Variants in PKNOX2 observed in about 807,000 individuals in gnomAD.
The protein encoded by PKNOX2 is PBX/knotted 1 homeobox 2.
A neutral mutation model predicts 53.1 loss-of-function variants in PKNOX2; 14 were observed. The observed-to-expected ratio is 0.26, with a 90% confidence interval of 0.17 to 0.41. The LOEUF (loss-of-function observed/expected upper bound fraction) is 0.41. PKNOX2 is among the 10% of genes least tolerant of loss of function. PKNOX2 has a pLI of 1.00. For synonymous variants in PKNOX2, 257 were observed against 242.8 expected, an observed-to-expected ratio of 1.06 and a Z score of -0.54; for missense variants, 496 against 602.8, an observed-to-expected ratio of 0.82 and a Z score of 1.85.
At chr11:125,343,595 G>A (rs536315579) in intron 3 of PKNOX2, among the ~76,000 whole-genome samples, 3 of 152,170 alleles carry the variant, frequency 2.0e-5, no homozygotes, top group Non-Finnish European at 2.9e-5. Context: ...AGGAATTATT[G>A]TTAAGCTCCT....
chr11:125,217,935 A>T (rs1337057223), intron 1 of PKNOX2, among the ~76,000 whole-genome samples: 1 of 152,184 alleles, frequency 6.6e-6, no homozygotes, highest in Non-Finnish European at 1.5e-5. Context: ...TCCTAACCTC[A>T]ACTTTCTGTT....
intron 1 of PKNOX2, among the ~76,000 whole-genome samples, chr11:125,228,790 T>C (rs1212839615): frequency 2.0e-5 from 3 of 152,204 alleles, no homozygotes; most frequent in Non-Finnish European, 4.4e-5. Context: ...ATTAATTTTG[T>C]TTTATTGCTG....
rs538517373 is a variant in PKNOX2 at position 125,362,696 on chromosome 11, A to G, written c.88-5150A>G. On this transcript the variant is annotated intron_variant, in intron 4 of 12. Transcript: ENST00000298282. ...CAGAAATATTTTATTAGCTTATTAG[A>G]ACAAAACATGTCACTCTTCCCCTAC... 2.0e-5 allele frequency among the ~76,000 whole-genome samples: 3 copies of G among 152,018 alleles called. No homozygotes were observed. In the South Asian group the frequency reaches 6.3e-4, roughly 32 times the overall value.
At chr11:125,180,223 A>G (rs1956077376) in intron 1 of PKNOX2, among the ~76,000 whole-genome samples, 1 of 151,986 alleles carries the variant, frequency 6.6e-6, no homozygotes, top group Non-Finnish European at 1.5e-5. Context: ...TTCCCATCTA[A>G]AATGAAATCC....
At chr11:125,360,134 G>A (rs140596861) in intron 4 of PKNOX2, among the ~76,000 whole-genome samples, 1,817 of 144,508 alleles carry the variant, frequency 0.013, 43 homozygotes, top group African/African-American at 0.044. Flanking sequence ...CAACAAGAGC[G>A]AAACTCCATC....
At chr11:125,215,719 T>C (rs560191055) in intron 1 of PKNOX2, among the ~76,000 whole-genome samples, 2 of 150,074 alleles carry the variant, frequency 1.3e-5, no homozygotes, top group East Asian at 1.9e-4. Context: ...GCCATTGTAC[T>C]CCAACCTGGG....
intron 4 of PKNOX2, among the ~76,000 whole-genome samples, chr11:125,355,830 C>T (rs1397413126): frequency 6.6e-6 from 1 of 152,148 alleles, no homozygotes; most frequent in Non-Finnish European, 1.5e-5. Flanking sequence ...TCCTTCTAGG[C>T]AAATACCTCT....
intron 5 of PKNOX2, among the ~76,000 whole-genome samples, chr11:125,373,796 G>C (rs1952687838): frequency 1.3e-5 from 2 of 152,248 alleles, no homozygotes; most frequent in Non-Finnish European, 2.9e-5. Context: ...GATAGGCGTA[G>C]AAAGTAGCTG....
chr11:125,425,611 G>A (rs1956373659), intron 10 of PKNOX2, among the ~76,000 whole-genome samples: 2 of 142,816 alleles, frequency 1.4e-5, no homozygotes, highest in South Asian at 4.5e-4. Flanking sequence ...ATCCAATAAT[G>A]ATCAGAGAGC....
chr11:125,424,160 AT>A (rs1013273309), intron 10 of PKNOX2, among the ~76,000 whole-genome samples: 3 of 151,270 alleles, frequency 2.0e-5, no homozygotes, highest in African/African-American at 7.3e-5. Context: ...GTAGTATCCT[AT>A]TTTTTTGACC....
intron 6 of PKNOX2, among the ~76,000 whole-genome samples, chr11:125,394,177 C>T (rs938173466): frequency 2.0e-5 from 3 of 152,144 alleles, no homozygotes; most frequent in African/African-American, 7.2e-5. Flanking sequence ...AGTACCTTAT[C>T]CTGTGCTCAT....
chr11:125,427,757 G>C (rs1252038264), intron 10 of PKNOX2, among the ~76,000 whole-genome samples: 1 of 152,102 alleles, frequency 6.6e-6, no homozygotes, highest in Non-Finnish European at 1.5e-5. Context: ...TGGATGGCTT[G>C]ATCTTCTGCC....
rs561182737 is a variant in PKNOX2 at position 125,239,369 on chromosome 11, C to T, written c.-130+4254C>T. ...CAGAGACCTTGTAACTCACCCTTCACCCCAGTGACCCCTAAGGAAACAGCT... is the reference window on the plus strand; with the variant it reads ...CAGAGACCTTGTAACTCACCCTTCATCCCAGTGACCCCTAAGGAAACAGCT... On this transcript the variant is annotated intron_variant, in intron 2 of 12. Coordinates refer to ENST00000298282, the MANE Select transcript of PKNOX2 (RefSeq NM_001382323.2). Among the ~76,000 whole-genome samples the T allele has an allele frequency of 1.1e-4, 17 of 152,338 alleles. No individual in the cohort carries two copies. In the South Asian group the frequency reaches 3.3e-3, roughly 30 times the overall value.
chr11:125,309,217 T>TCTCTCTTTCTTCCTTCCTTC (rs1226241534), intron 2 of PKNOX2, among the ~76,000 whole-genome samples: 6 of 149,186 alleles, frequency 4.0e-5, no homozygotes, highest in Non-Finnish European at 8.9e-5. Flanking sequence ...TTCCTTTCTC[T>TCTCTCTTTCTTCCTTCCTTC]CTCTCTTTCT....
intron 12 of PKNOX2, 99 bp from the exon 13 acceptor site, chr11:125,431,067 A>C (rs1032854337): frequency 4.7e-5 from 70 of 1,484,248 alleles, no homozygotes; most frequent in Non-Finnish European, 6.0e-5. Flanking sequence ...CAAGGAGTTC[A>C]CTGCTCTATG....
intron 3 of PKNOX2, among the ~76,000 whole-genome samples, chr11:125,335,636 T>C (rs1239069711): frequency 1.3e-5 from 2 of 152,162 alleles, no homozygotes; most frequent in Non-Finnish European, 2.9e-5. Context: ...ATAGTTCTTA[T>C]CTACTGCAAA....
chr11:125,309,217 T>C (rs1284591398), intron 2 of PKNOX2, among the ~76,000 whole-genome samples: 3 of 149,186 alleles, frequency 2.0e-5, no homozygotes, highest in African/African-American at 7.6e-5. Context: ...TTCCTTTCTC[T>C]CTCTCTTTCT....
At chr11:125,390,262 A>G (rs1953960179) in intron 6 of PKNOX2, among the ~76,000 whole-genome samples, 1 of 152,208 alleles carries the variant, frequency 6.6e-6, no homozygotes, top group South Asian at 2.1e-4. Flanking sequence ...CCCCATTTTA[A>G]GAGGAGGCAA....
intron 3 of PKNOX2, among the ~76,000 whole-genome samples, chr11:125,344,494 T>A (rs866203493): frequency 6.6e-6 from 1 of 152,100 alleles, no homozygotes; most frequent in Non-Finnish European, 1.5e-5. Flanking sequence ...GGGAGAGAGA[T>A]CTGCACATCT....
Sources: allele counts gnomAD v4.1 joint callset (sites outside exome capture counted in the v4.1 genomes callset), GRCh38; gene constraint gnomAD v4.1.1; transcripts MANE v1.5; gene names NCBI Gene and HGNC (gene_info 2026-07-23, HGNC 2026-07-21).